ZNF850: variants seen among roughly 807,000 people sequenced by gnomAD.
ZNF850 encodes the protein putative zinc finger protein ENSP00000330994.
Under a neutral mutation model 11.9 loss-of-function variants are expected in ZNF850, and 2 were observed. The observed-to-expected ratio is 0.17, with a 90% CI of 0.07 to 0.53. The LOEUF is 0.53. Ranked by LOEUF, ZNF850 falls within the 20% of genes least tolerant of loss-of-function variation. The pLI, the probability that ZNF850 is intolerant of heterozygous loss-of-function variation, is 0.94. For missense variants in ZNF850, 1,014 were observed against 1,316.4 expected, an observed-to-expected ratio of 0.77 and a Z score of 3.55; for synonymous variants, 381 against 443.0, an observed-to-expected ratio of 0.86 and a Z score of 1.76.
intron 1 of ZNF850, among the ~76,000 whole-genome samples, chr19:36,772,438 A>T (rs1415351198): frequency 1.3e-5 from 2 of 152,078 alleles, no homozygotes; most frequent in Non-Finnish European, 2.9e-5. Context: ...CAACTCACGC[A>T]CACAAGGTAC....
intron 4 of ZNF850, among the ~76,000 whole-genome samples, chr19:36,756,696 C>G (rs2040488674): frequency 6.6e-6 from 1 of 152,116 alleles, no homozygotes; most frequent in Non-Finnish European, 1.5e-5. Flanking sequence ...TCACTGCAAC[C>G]TCCGCCTCCT....
chr19:36,772,343 C>T (rs1184662936), intron 1 of ZNF850, among the ~76,000 whole-genome samples: 1 of 152,184 alleles, frequency 6.6e-6, no homozygotes, highest in Non-Finnish European at 1.5e-5. Context: ...TATCCACTTA[C>T]CCACTGCCTC....
At chr19:36,758,015 A>G (rs1246554155) in intron 4 of ZNF850, among the ~76,000 whole-genome samples, 1 of 152,146 alleles carries the variant, frequency 6.6e-6, no homozygotes, top group African/African-American at 2.4e-5. Flanking sequence ...TTTAATTTCA[A>G]TTACTTTACA....
At chr19:36,756,512 TAAC>T (rs1375397105) in intron 4 of ZNF850, among the ~76,000 whole-genome samples, 1 of 152,198 alleles carries the variant, frequency 6.6e-6, no homozygotes, top group Non-Finnish European at 1.5e-5. Flanking sequence ...TCCCCCCAGA[TAAC>T]AACAGATAAA....
Position 36,750,761 on chromosome 19 carries a change from T to C in ZNF850, c.279A>G (p.Lys93=), listed in dbSNP as rs2145956752. 6.6e-7 allele frequency: 1 copy of C among 1,525,554 alleles called. No individual in the cohort carries two copies. Among genetic ancestry groups the C allele is most frequent in the Non-Finnish European group, 8.8e-7 (1 of 1,141,036 alleles). The allele number at this position is 1,525,554 out of a possible 1,614,324, so 94.5% of individuals were successfully genotyped here. A position where few individuals can be genotyped will look rare whatever the true frequency, so the allele number is the denominator to read the frequency against. The change falls in exon 5 of 5, where the codon AAA becomes AAG. Residue 93 remains lysine, a synonymous_variant. Transcript: ENST00000591344. Reference sequence around the variant, plus strand: ...GAGATGATGTTACTTCATAGATTTCTTTTGGCAAACATGAATCTTTGGTCT... The same window carrying C: ...GAGATGATGTTACTTCATAGATTTCCTTTGGCAAACATGAATCTTTGGTCT... ...RCKTKDSCLP[K]EIYEVTSSQW...
chr19:36,758,869 G>A (rs538064059), intron 4 of ZNF850, among the ~76,000 whole-genome samples: 1 of 151,756 alleles, frequency 6.6e-6, no homozygotes, highest in Non-Finnish European at 1.5e-5. Flanking sequence ...ACGAGGTCAG[G>A]AGATCAAGAC....
intron 1 of ZNF850, among the ~76,000 whole-genome samples, chr19:36,768,844 C>T (rs1301134978): frequency 6.6e-6 from 1 of 151,816 alleles, no homozygotes; most frequent in African/African-American, 2.4e-5. Context: ...ATGCCTGTAA[C>T]CCAGCTCCTT....
At chr19:36,761,843 CAAG>C (rs2040520346) in intron 3 of ZNF850, 105 bp from the exon 4 acceptor site, 1 of 618,582 alleles carries the variant, frequency 1.6e-6, no homozygotes, top group Non-Finnish European at 2.8e-6. Flanking sequence ...GTCAGGAGTT[CAAG>C]ACCAGCCTGA....
At position 36,749,266 on chromosome 19, in the gene ZNF850, TA is replaced by T; in HGVS notation, c.1773del (p.Cys591Ter). ...ACAGTAAAAGATTTTCCACATTCCTTACAGTGATAGGGTTTCTCACCAGTGT... is the reference window on the plus strand; with the variant it reads ...ACAGTAAAAGATTTTCCACATTCCTTCAGTGATAGGGTTTCTCACCAGTGT... Reference protein sequence around the residue: ...RIHTGEKPYHCKECGKSFTVG... With the variant: ...RIHTGEKPYHXKECGKSFTVG... On this transcript the variant is annotated frameshift_variant, in exon 5 of 5. Coordinates refer to ENST00000591344, the MANE Select transcript of ZNF850 (RefSeq NM_001193552.2). LOFTEE classifies it low-confidence loss of function (END_TRUNC). 6.3e-7 allele frequency: 1 copy of T among 1,577,496 alleles called. No individual in the cohort carries two copies. The highest frequency in any genetic ancestry group is 8.6e-7 in the Non-Finnish European group (1 of 1,165,240).
At chr19:36,765,572 CA>C (rs1415088156) in intron 1 of ZNF850, among the ~76,000 whole-genome samples, 1 of 146,470 alleles carries the variant, frequency 6.8e-6, no homozygotes, top group East Asian at 2.0e-4. Flanking sequence ...AGTACTTATC[CA>C]AAGTAAAGAT....
At chr19:36,770,343 C>T (rs1268510934) in intron 1 of ZNF850, among the ~76,000 whole-genome samples, 1 of 152,276 alleles carries the variant, frequency 6.6e-6, no homozygotes, top group Middle Eastern at 3.4e-3. Flanking sequence ...ACCCTCTAAT[C>T]CTGCCTTGGT....
intron 4 of ZNF850, among the ~76,000 whole-genome samples, chr19:36,754,149 CAG>C (rs56915048): frequency 1.3e-4 from 16 of 124,472 alleles, no homozygotes; most frequent in Admixed American, 3.6e-4. Flanking sequence ...GCCCGGGCAA[CAG>C]AGAGAGAGAG....
rs536427538 is a variant in ZNF850, at chr19:36,747,496, C to T, written c.*271G>A. 2.9e-5 allele frequency: 8 copies of T among 280,044 alleles called. No individual in the cohort carries two copies. Among genetic ancestry groups the T allele is most frequent in the African/African-American group, 1.3e-4 (6 of 45,720 alleles). 17.3% of individuals were successfully genotyped at this position (280,044 alleles called of 1,614,324 possible). A position where few individuals can be genotyped will look rare whatever the true frequency, so the allele number is the denominator to read the frequency against. Reference sequence around the variant, plus strand: ...TACAAAAACAAAAAAATTAGCCAGGCGTGGTGGCAGGTACCTGTAGTCCCA... The same window carrying T: ...TACAAAAACAAAAAAATTAGCCAGGTGTGGTGGCAGGTACCTGTAGTCCCA... On this transcript the variant is annotated 3_prime_UTR_variant, in exon 5 of 5. Transcript: ENST00000591344.
chr19:36,753,271 GA>G (rs71171470), intron 4 of ZNF850, among the ~76,000 whole-genome samples: 1,859 of 66,036 alleles, frequency 0.028, 19 homozygotes, highest in Middle Eastern at 0.094. Flanking sequence ...TTCATCTCAG[GA>G]AAAAAAAAAA....
chr19:36,750,616 T>C lies in ZNF850; in HGVS notation c.424A>G (p.Ile142Val), dbSNP rs78670284. The change falls in exon 5 of 5, where the codon ATA becomes GTA. Residue 142 changes from isoleucine to valine, a missense_variant. Ile to Val is a conservative substitution (Grantham distance 29). Around this residue, in one of 2 missense-constraint regions of ZNF850, gnomAD observed 835 missense variants for 1,022.0 expected, o/e 0.82. Transcript: ENST00000591344. ...INQERYLEKA[I>V]MTYETTPTFC... ...GTTGGTGTTGTTTCATAAGTCATTA[T>C]TGCTTTTTCCAAATATCGCTCCTGA... 120 of 1,536,176 alleles carry C rather than the reference T, an allele frequency of 7.8e-5. No individual in the cohort carries two copies. The African/African-American group carries it at 1.5e-3, about 20-fold the overall frequency.
At position 36,744,202 on chromosome 19, in the gene ZNF850, C is replaced by T. The variant is rs1462458212; in HGVS notation, c.*3565G>A. ...TCAAAAAAAAAAAAAAGGATTTACCCCAAATAGATCATCTTTGGTCAATAA... is the reference window on the plus strand; with the variant it reads ...TCAAAAAAAAAAAAAAGGATTTACCTCAAATAGATCATCTTTGGTCAATAA... On this transcript the variant is annotated 3_prime_UTR_variant, in exon 5 of 5. Coordinates refer to ENST00000591344, the MANE Select transcript of ZNF850 (RefSeq NM_001193552.2). 1 of 151,650 alleles carries T rather than the reference C, an allele frequency of 6.6e-6. No homozygotes were observed. Among genetic ancestry groups the T allele is most frequent in the African/African-American group, 2.4e-5 (1 of 41,350 alleles). The allele number at this position is 151,650 out of a possible 1,614,324, so 9.4% of individuals were successfully genotyped here.
In ZNF850 at chr19:36,747,881, G is replaced by A; in HGVS notation, c.3159C>T (p.Ser1053=). 6.3e-7 allele frequency: 1 copy of A among 1,575,058 alleles called. No individual in the cohort carries two copies. Reference sequence around the variant, plus strand: ...CGCCAGTGTGAACACTCTGATGTCGGCTGAGTCCTGAGGCATAGAAAAAGG... The same window carrying A: ...CGCCAGTGTGAACACTCTGATGTCGACTGAGTCCTGAGGCATAGAAAAAGG... The part of the protein sequence containing the change: ...GKAFFYASGL[S]RHQSVHTGEK... The change falls in exon 5 of 5, where the codon AGC becomes AGT. Residue 1053 remains serine, a synonymous_variant. Coordinates refer to ENST00000591344, the MANE Select transcript of ZNF850 (RefSeq NM_001193552.2).
chr19:36,750,109 A>G lies in ZNF850; in HGVS notation c.931T>C (p.Cys311Arg). Residue 311 changes from cysteine (C) to arginine (R), a missense_variant, in exon 5 of 5, where the codon TGT becomes CGT. Cys to Arg is a radical substitution (Grantham distance 180). Coordinates refer to ENST00000591344, the MANE Select transcript of ZNF850 (RefSeq NM_001193552.2). ...QIHTGEKPYH[C>R]KQCGKSFTVG... Reference sequence around the variant, plus strand: ...GTAAAAGATTTTCCACATTGCTTACAATGATAGGGTTTCTCACCAGTGTGA... The same window carrying G: ...GTAAAAGATTTTCCACATTGCTTACGATGATAGGGTTTCTCACCAGTGTGA... 1 of 1,538,544 alleles carries G rather than the reference A, an allele frequency of 6.5e-7. No homozygotes were observed. The highest frequency in any genetic ancestry group is 2.0e-5 in the Admixed American group (1 of 50,992).
chr19:36,748,702 T>A lies in ZNF850; in HGVS notation c.2338A>T (p.Thr780Ser). 6.5e-7 allele frequency: 1 copy of A among 1,538,822 alleles called. No individual in the cohort carries two copies. Residue 780 changes from threonine (T) to serine (S), a missense_variant, in exon 5 of 5, where the codon ACT (threonine) becomes TCT (serine). Thr to Ser is a moderately conservative substitution (Grantham distance 58, BLOSUM62 1). Coordinates refer to ENST00000591344, the MANE Select transcript of ZNF850 (RefSeq NM_001193552.2). ...TTACAATCATAGAGCTTCTCACCAG[T>A]GTGTATTTGCTGATGTTGAATTAGT... The part of the protein sequence containing the change: ...STLIQHQQIH[T>S]GEKLYDCKEC...
Sources: gnomAD v4.1 joint callset for allele counts (sites outside exome capture counted in the v4.1 genomes callset) on GRCh38, gnomAD v4.1.1 for gene constraint, gnomAD v4.1.1 regional missense constraint, MANE v1.5 for transcripts, NCBI Gene and HGNC (gene_info 2026-07-23, HGNC 2026-07-21) for gene names.